The following KAT5 variants were observed in gnomAD, a reference collection of about 807,000 sequenced individuals.
The protein encoded by KAT5 is lysine acetyltransferase 5, also known as histone acetyltransferase KAT5.
KAT5 carries 31 observed loss-of-function variants against 68.1 expected under a neutral mutation model. The ratio of observed to expected loss-of-function variants is 0.46; its 90% confidence interval spans 0.34 to 0.61. KAT5 has a LOEUF of 0.61. Among genes scored for constraint, KAT5 ranks in the 20% least tolerant of loss-of-function variants. The pLI, the probability that KAT5 is intolerant of heterozygous loss-of-function variation, is 0.01. For missense variants in KAT5, 451 were observed against 725.5 expected (o/e 0.62, Z 4.35); for synonymous variants, 365 against 292.6 (o/e 1.25, Z -2.52).
At chr11:65,717,024 T>G (rs769983548) in intron 10 of KAT5, 42 bp downstream of exon 10, 3 of 1,456,040 alleles carry the variant, frequency 2.1e-6, no homozygotes, top group East Asian at 4.5e-5. Context: ...GGACCCACTA[T>G]CGGTGCCTCA....
intron 2 of KAT5, 43 bp from the exon 3 acceptor site, chr11:65,712,879 A>G: frequency 2.5e-6 from 4 of 1,613,908 alleles, no homozygotes; most frequent in Non-Finnish European, 3.4e-6. Flanking sequence ...GGGTTGGGGG[A>G]CAGTCTTTGG....
At position 65,716,999 on chromosome 11, in the gene KAT5, C is replaced by T. The variant is rs762046787; in HGVS notation, c.1264+17C>T. The T allele has an allele frequency of 3.1e-5, 49 of 1,590,426 alleles. No individual in the cohort carries two copies. Among genetic ancestry groups the T allele is most frequent in the Middle Eastern group, 1.7e-4 (1 of 6,030 alleles). On this transcript the variant is annotated intron_variant, in intron 10 of 12. Coordinates refer to ENST00000341318, the MANE Select transcript of KAT5 (RefSeq NM_182710.3). ...TCGAGTTCAGTGAGTATGTGTGCTG[C>T]GGCCAGGGGGTAGTGGACCCACTAT... is the stretch of plus-strand genomic sequence containing the variant.
At chr11:65,718,182 A>C (rs978887859) in intron 10 of KAT5, 2 of 163,020 alleles carry the variant, frequency 1.2e-5, no homozygotes, top group African/African-American at 4.8e-5. Flanking sequence ...TTGAGAATTC[A>C]AGCATTCTCA....
intron 12 of KAT5, 21 bp downstream of exon 12, chr11:65,718,975 G>A: frequency 6.2e-7 from 1 of 1,614,156 alleles, no homozygotes; most frequent in Non-Finnish European, 8.5e-7. Context: ...AGGCAGGGGA[G>A]ACAGGTGTGT....
In KAT5 at chr11:65,718,570, C is replaced by G; in HGVS notation, c.1265-20C>G. 7 of 1,611,046 alleles carry G rather than the reference C, an allele frequency of 4.3e-6. No homozygotes were observed. The highest frequency in any genetic ancestry group is 5.9e-6 in the Non-Finnish European group (7 of 1,177,880). ...TCATCTGTGACCTCTTACTCACCCTCTCCTGCTCCATTGCTTTAGGCTATG... is the reference window on the plus strand; with the variant it reads ...TCATCTGTGACCTCTTACTCACCCTGTCCTGCTCCATTGCTTTAGGCTATG... On this transcript the variant is annotated intron_variant, in intron 10 of 12. Coordinates refer to ENST00000341318, the MANE Select transcript of KAT5 (RefSeq NM_182710.3).
rs553350030 is a variant in KAT5, at chr11:65,719,599, A to G, written c.*418A>G. On this transcript the variant is annotated 3_prime_UTR_variant, in exon 13 of 13. Coordinates refer to ENST00000341318, the MANE Select transcript of KAT5 (RefSeq NM_182710.3). ...GCCCCCGGCAATAAATTGTTTCTAT[A>G]TGCCAGAGCCATGCAAAGTTCTTGG... 8 of 706,318 alleles carry G rather than the reference A, an allele frequency of 1.1e-5. No individual in the cohort carries two copies. Among genetic ancestry groups the G allele is most frequent in the East Asian group, 2.7e-5 (1 of 37,372 alleles). 43.8% of individuals were successfully genotyped at this position (706,318 alleles called of 1,614,324 possible).
chr11:65,713,125 A>G (rs616250), intron 3 of KAT5, 67 bp downstream of exon 3: 1,594,173 of 1,594,200 alleles, frequency 1, 797,073 homozygotes, highest in Middle Eastern at 1. Context: ...TGGCATTAGG[A>G]GCTCCTGGAT....
intron 10 of KAT5, 197 bp from the exon 11 acceptor site, chr11:65,718,393 G>C (rs1857278171): frequency 4.9e-6 from 3 of 606,538 alleles, no homozygotes; most frequent in Non-Finnish European, 8.8e-6. Context: ...GCCCTCCACT[G>C]TGCTCAGCGC....
At chr11:65,713,210 A>G in intron 3 of KAT5, 138 bp from the exon 4 acceptor site, 1 of 1,298,172 alleles carries the variant, frequency 7.7e-7, no homozygotes, top group East Asian at 2.3e-5. Context: ...TGTAGCTCCC[A>G]GAGTCCAGTA....
intron 8 of KAT5, 99 bp downstream of exon 8, chr11:65,715,009 G>T: frequency 1.9e-6 from 2 of 1,053,356 alleles, no homozygotes; most frequent in Non-Finnish European, 2.9e-6. Context: ...GATCAGTCCA[G>T]CCCATTTTTA....
rs1857208905 is a variant in KAT5 at position 65,716,753 on chromosome 11, C to T, written c.1116C>T (p.Tyr372=). The T allele has an allele frequency of 2.5e-6, 4 of 1,613,894 alleles. No individual in the cohort carries two copies. The highest frequency in any genetic ancestry group is 3.4e-6 in the Non-Finnish European group (4 of 1,179,764). ...LYYDTDPFLF[Y]VMTEYDCKGF... ...ATGACACAGACCCTTTCCTCTTCTA[C>T]GTCATGACAGAGTATGACTGTAAGG... The change falls in exon 9 of 13, where the codon TAC becomes TAT. Residue 372 remains tyrosine, a synonymous_variant. Coordinates refer to ENST00000341318, the MANE Select transcript of KAT5 (RefSeq NM_182710.3).
In KAT5 at chr11:65,712,786, G is replaced by T. The variant is rs756029338; in HGVS notation, c.199G>T (p.Val67Leu). The T allele has an allele frequency of 1.2e-6, 2 of 1,614,104 alleles. No individual in the cohort carries two copies. Among genetic ancestry groups the T allele is most frequent in the South Asian group, 1.1e-5 (1 of 91,084 alleles). Residue 67 changes from valine to leucine, a missense_variant, in exon 2 of 13, where the codon GTG becomes TTG. Transcript: ENST00000341318. ...CATAGCCCTGGCCGAGATCCTGAGCGTGAAGGACATCAGTGGCCGGAAGCT... is the reference window on the plus strand; with the variant it reads ...CATAGCCCTGGCCGAGATCCTGAGCTTGAAGGACATCAGTGGCCGGAAGCT... ...DEWPLAEILS[V>L]KDISGRKLFY...
intron 10 of KAT5, 150 bp from the exon 11 acceptor site, chr11:65,718,440 C>T (rs1565211295): frequency 4.0e-6 from 3 of 753,688 alleles, no homozygotes; most frequent in East Asian, 4.9e-5. Flanking sequence ...CCTGAGGGAA[C>T]TGAGGCACAG....
rs181492606 is a variant in KAT5 at position 65,713,162 on chromosome 11, T to C, written c.384+104T>C. 8,365 of 1,466,768 alleles carry C rather than the reference T, an allele frequency of 5.7e-3. 36 individuals carry two copies. Among genetic ancestry groups the C allele is most frequent in the Middle Eastern group, 0.012 (50 of 4,034 alleles). The allele number at this position is 1,466,768 out of a possible 1,614,324, so 90.9% of individuals were successfully genotyped here. On this transcript the variant is annotated intron_variant, in intron 3 of 12. Transcript: ENST00000341318. The stretch of plus-strand genomic sequence containing the variant: ...GGCAGGAGGCGGCTCCCTCTCACCC[T>C]GACTTCATCTTGCAAAGGATGGGGG...
At chr11:65,715,150 C>A in intron 8 of KAT5, 2 of 534,534 alleles carry the variant, frequency 3.7e-6, no homozygotes, top group South Asian at 4.1e-5. Flanking sequence ...TGTCATGAAA[C>A]AGAGGGTAGG....
At chr11:65,718,417 A>G (rs2135644578) in intron 10 of KAT5, 173 bp from the exon 11 acceptor site, 1 of 679,734 alleles carries the variant, frequency 1.5e-6, no homozygotes, top group East Asian at 2.5e-5. Flanking sequence ...GAAAGAGTGA[A>G]TACTCAGTTC....
intron 1 of KAT5, 137 bp downstream of exon 1, chr11:65,712,582 T>C: frequency 8.0e-7 from 1 of 1,245,074 alleles, no homozygotes; most frequent in Non-Finnish European, 1.1e-6. Context: ...GGCGTGGCTC[T>C]TAGCTGCTCC....
Position 65,719,247 on chromosome 11 carries a change from C to T in KAT5, c.*66C>T. On this transcript the variant is annotated 3_prime_UTR_variant, in exon 13 of 13. Transcript: ENST00000341318. ...TGGGGCTGATAGCCCACCCCGCCCC[C>T]ACTGCAGCTCCCACAAAGCACTCTA... is the stretch of plus-strand genomic sequence containing the variant. 1 of 1,561,926 alleles carries T rather than the reference C, an allele frequency of 6.4e-7. No individual in the cohort carries two copies. Among genetic ancestry groups the T allele is most frequent in the Non-Finnish European group, 8.7e-7 (1 of 1,147,520 alleles).
intron 11 of KAT5, 34 bp from the exon 12 acceptor site, chr11:65,718,839 G>C (rs2135646707): frequency 6.2e-7 from 1 of 1,613,714 alleles, no homozygotes; most frequent in Middle Eastern, 1.6e-4. Flanking sequence ...ACAGATAAAG[G>C]TCCTCAGGGA....
Sources: allele counts gnomAD v4.1 joint callset, GRCh38; gene constraint gnomAD v4.1.1; transcripts MANE v1.5; gene names NCBI Gene and HGNC (gene_info 2026-07-23, HGNC 2026-07-21).